The following GDPD1 variants were observed in gnomAD, a reference collection of about 807,000 sequenced individuals.
The protein encoded by GDPD1 is glycerophosphodiester phosphodiesterase domain containing 1.
In GDPD1, 28 loss-of-function variants were observed where a neutral mutation model predicts 45.1. The observed-to-expected ratio is 0.62, with a 90% confidence interval of 0.46 to 0.85. The LOEUF (loss-of-function observed/expected upper bound fraction) is 0.85, where lower values mean the gene tolerates loss of function less well. GDPD1 is among the 40% of genes least tolerant of loss of function. The pLI is 0.00. For missense variants in GDPD1, 256 were observed against 364.8 expected, an observed-to-expected ratio of 0.70 and a Z score of 2.43; for synonymous variants, 139 against 131.4, an observed-to-expected ratio of 1.06 and a Z score of -0.40.
At chr17:59,269,601 TCACCTGAGGTCGGGAGTTCCATAC>T (rs902397389) in intron 7 of GDPD1, among the ~76,000 whole-genome samples, 3 of 151,654 alleles carry the variant, frequency 2.0e-5, no homozygotes, top group African/African-American at 7.3e-5. Context: ...GGCAGGCGGA[TCACCTGAGGTCGGGAGTTCCATAC>T]CAGCCTGGCC....
At chr17:59,246,071 G>C (rs975075236) in intron 3 of GDPD1, among the ~76,000 whole-genome samples, 3 of 151,644 alleles carry the variant, frequency 2.0e-5, no homozygotes, top group African/African-American at 7.3e-5. Flanking sequence ...AGTGAGCCAA[G>C]ATTGCGCCAC....
intron 4 of GDPD1, among the ~76,000 whole-genome samples, chr17:59,253,362 A>C (rs575560718): frequency 1.3e-5 from 2 of 152,098 alleles, no homozygotes; most frequent in South Asian, 4.1e-4. Context: ...TGAGGCATCT[A>C]ATTTATGTAT....
At chr17:59,245,340 A>C in intron 2 of GDPD1, 74 bp from the exon 3 acceptor site, 1 of 1,178,742 alleles carries the variant, frequency 8.5e-7, no homozygotes, top group Non-Finnish European at 1.2e-6. Context: ...TGTAACTCTG[A>C]ATTGTTAGAT....
chr17:59,241,787 G>A (rs1176575634), intron 2 of GDPD1, among the ~76,000 whole-genome samples: 4 of 151,930 alleles, frequency 2.6e-5, no homozygotes, highest in Admixed American at 6.6e-5. Flanking sequence ...AATTAGCTGG[G>A]CGTGGTGGCA....
At chr17:59,245,603 A>AT (rs544683342) in intron 3 of GDPD1, 54 bp downstream of exon 3, 48 of 1,431,010 alleles carry the variant, frequency 3.4e-5, no homozygotes, top group South Asian at 8.1e-5. Flanking sequence ...GGCCTATAAG[A>AT]TTTTTTTTAA....
intron 1 of GDPD1, among the ~76,000 whole-genome samples, chr17:59,228,488 A>C (rs2047064657): frequency 1.3e-5 from 2 of 152,182 alleles, no homozygotes; most frequent in Non-Finnish European, 2.9e-5. Context: ...GACTATGGGG[A>C]TACAGAGGAG....
At chr17:59,270,390 G>T (rs1360331027) in intron 7 of GDPD1, among the ~76,000 whole-genome samples, 1 of 151,464 alleles carries the variant, frequency 6.6e-6, no homozygotes, top group Non-Finnish European at 1.5e-5. Flanking sequence ...GACGGGGGGG[G>T]GTTTCACTAT....
chr17:59,241,741 C>A (rs1247018327), intron 2 of GDPD1, among the ~76,000 whole-genome samples: 3 of 151,832 alleles, frequency 2.0e-5, no homozygotes, highest in Non-Finnish European at 2.9e-5. Context: ...CCACTCTGGC[C>A]ACATGGTGAA....
intron 2 of GDPD1, among the ~76,000 whole-genome samples, chr17:59,240,877 G>T (rs1460416656): frequency 6.6e-6 from 1 of 152,162 alleles, no homozygotes; most frequent in African/African-American, 2.4e-5. Flanking sequence ...CTCACTCAGT[G>T]ACACCAAAAG....
intron 6 of GDPD1, among the ~76,000 whole-genome samples, chr17:59,259,851 A>T (rs370619137): frequency 4.0e-5 from 6 of 150,980 alleles, no homozygotes; most frequent in African/African-American, 1.5e-4. Context: ...CTTTGAGCCC[A>T]GGAGTTTGAG....
At position 59,275,048 on chromosome 17, in the gene GDPD1, G is replaced by A. The variant is rs188418348; in HGVS notation, c.*1275G>A. 4.7e-6 allele frequency: 4 copies of A among 846,848 alleles called. No homozygotes were observed. The highest frequency in any genetic ancestry group is 7.6e-6 in the Non-Finnish European group (4 of 525,970). The allele number at this position is 846,848 out of a possible 1,614,324, so 52.5% of individuals were successfully genotyped here. ...GTAGAGACAGGGTTTTGCCACGTTG[G>A]CCAGACTGGTCTCGAACTCCTGACC... On this transcript the variant is annotated 3_prime_UTR_variant, in exon 10 of 10. Coordinates refer to ENST00000284116, the MANE Select transcript of GDPD1 (RefSeq NM_182569.4).
At chr17:59,255,835 A>ATATATATACGTG (rs2047301104) in intron 4 of GDPD1, among the ~76,000 whole-genome samples, 1 of 84,628 alleles carries the variant, frequency 1.2e-5, no homozygotes, top group African/African-American at 7.9e-5. Context: ...ATACGCGTAT[A>ATATATATACGTG]TATATATATA....
chr17:59,231,866 G>A (rs2047093174), intron 1 of GDPD1, among the ~76,000 whole-genome samples: 1 of 151,860 alleles, frequency 6.6e-6, no homozygotes. Context: ...GGGCTCAAGC[G>A]ATCTTTCTAC....
chr17:59,228,879 C>T (rs1252115684), intron 1 of GDPD1, among the ~76,000 whole-genome samples: 1 of 145,428 alleles, frequency 6.9e-6, no homozygotes, highest in Non-Finnish European at 1.5e-5. Context: ...GACCCTGTCT[C>T]AGAAAAAAAA....
intron 7 of GDPD1, among the ~76,000 whole-genome samples, chr17:59,270,387 G>A (rs1039837857): frequency 2.0e-5 from 3 of 151,614 alleles, no homozygotes; most frequent in Non-Finnish European, 2.9e-5. Context: ...AGAGACGGGG[G>A]GGGGTTTCAC....
chr17:59,267,285 C>A, intron 7 of GDPD1, 111 bp downstream of exon 7: 1 of 986,260 alleles, frequency 1.0e-6, no homozygotes, highest in East Asian at 2.5e-5. Flanking sequence ...GTAGTGATTT[C>A]CATGTTCTAT....
chr17:59,259,028 T>C (rs1005271381), intron 6 of GDPD1, among the ~76,000 whole-genome samples: 2 of 151,654 alleles, frequency 1.3e-5, no homozygotes, highest in South Asian at 2.1e-4. Flanking sequence ...CCTGAGAACA[T>C]GTGCCTATTT....
intron 7 of GDPD1, among the ~76,000 whole-genome samples, chr17:59,269,275 G>A (rs2047425795): frequency 6.6e-6 from 1 of 152,078 alleles, no homozygotes; most frequent in Non-Finnish European, 1.5e-5. Flanking sequence ...CTGGGCGACA[G>A]AGCAAGACTC....
In GDPD1 at chr17:59,275,214, A is replaced by G. The variant is rs776098228; in HGVS notation, c.*1441A>G. 3.3e-6 allele frequency: 5 copies of G among 1,534,864 alleles called. No individual in the cohort carries two copies. Among genetic ancestry groups the G allele is most frequent in the Non-Finnish European group, 4.4e-6 (5 of 1,144,618 alleles). On this transcript the variant is annotated 3_prime_UTR_variant, in exon 10 of 10. Coordinates refer to ENST00000284116, the MANE Select transcript of GDPD1 (RefSeq NM_182569.4). The stretch of plus-strand genomic sequence containing the variant: ...TTATTTCTAGGTGTACCTTAGTTAA[A>G]GAGGAAAAATAAAACGGAAAAAAGC...
Sources: allele counts gnomAD v4.1 joint callset (sites outside exome capture counted in the v4.1 genomes callset), GRCh38; gene constraint gnomAD v4.1.1; transcripts MANE v1.5; gene names NCBI Gene and HGNC (gene_info 2026-07-23, HGNC 2026-07-21).